TRAF3: variants seen among roughly 807,000 people sequenced by gnomAD.
TRAF3 encodes the protein TNF receptor-associated factor 3.
In TRAF3, 13 loss-of-function variants were observed where a neutral mutation model predicts 62.3. That is an observed-to-expected ratio of 0.21 (90% CI 0.14 to 0.33). The LOEUF is 0.33. Ranked by LOEUF, TRAF3 falls within the 10% of genes least tolerant of loss-of-function variation. The pLI is 1.00. For missense variants in TRAF3, 440 were observed against 741.8 expected (o/e 0.59, Z 4.73); for synonymous variants, 269 against 283.4 (o/e 0.95, Z 0.51).
intron 1 of TRAF3, among the ~76,000 whole-genome samples, chr14:102,803,689 C>T (rs1032936336): frequency 6.6e-6 from 1 of 151,700 alleles, no homozygotes; most frequent in East Asian, 1.9e-4. Flanking sequence ...GGGTGTGCAC[C>T]CTGCACCCAG....
At chr14:102,875,751 A>T (rs1364586098) in intron 5 of TRAF3, 23 bp downstream of exon 5, 1 of 1,586,240 alleles carries the variant, frequency 6.3e-7, no homozygotes, top group South Asian at 1.1e-5. Context: ...GGGACACTGG[A>T]ACCTTTTACA....
At chr14:102,815,305 A>G (rs1899446839) in intron 1 of TRAF3, among the ~76,000 whole-genome samples, 1 of 152,134 alleles carries the variant, frequency 6.6e-6, no homozygotes. Context: ...TCTTCTAAGA[A>G]TTATATAGTT....
chr14:102,853,171 G>A (rs1887149714), intron 2 of TRAF3, among the ~76,000 whole-genome samples: 1 of 152,134 alleles, frequency 6.6e-6, no homozygotes, highest in Admixed American at 6.5e-5. Flanking sequence ...AAAGTGCTGG[G>A]ATTACAGGTG....
intron 1 of TRAF3, among the ~76,000 whole-genome samples, chr14:102,790,677 A>G (rs1027087939): frequency 2.6e-5 from 4 of 152,154 alleles, no homozygotes; most frequent in Non-Finnish European, 5.9e-5. Flanking sequence ...GTTCCTTCCC[A>G]TAACATGTGG....
At chr14:102,892,622 T>C (rs1374334199) in intron 9 of TRAF3, among the ~76,000 whole-genome samples, 1 of 152,258 alleles carries the variant, frequency 6.6e-6, no homozygotes, top group African/African-American at 2.4e-5. Flanking sequence ...GAGGATACTA[T>C]GGTGAATTAG....
chr14:102,835,947 T>C (rs1025665364), intron 2 of TRAF3, among the ~76,000 whole-genome samples: 2 of 152,228 alleles, frequency 1.3e-5, no homozygotes, highest in African/African-American at 4.8e-5. Flanking sequence ...GACTCATGCC[T>C]GGAATACTAG....
At chr14:102,899,667 GTCT>G (rs909492600) in intron 10 of TRAF3, among the ~76,000 whole-genome samples, 1 of 152,146 alleles carries the variant, frequency 6.6e-6, no homozygotes, top group African/African-American at 2.4e-5. Context: ...GTCACTTGGG[GTCT>G]TCTTCTTTCT....
At chr14:102,854,031 T>A (rs146645877) in intron 2 of TRAF3, among the ~76,000 whole-genome samples, 14 of 152,296 alleles carry the variant, frequency 9.2e-5, no homozygotes, top group Non-Finnish European at 1.5e-4. Flanking sequence ...GTAATAGGAA[T>A]CATACAATAT....
intron 6 of TRAF3, among the ~76,000 whole-genome samples, chr14:102,878,637 A>G (rs1039718153): frequency 2.0e-5 from 3 of 152,218 alleles, no homozygotes; most frequent in Non-Finnish European, 4.4e-5. Context: ...GATCAGTTCC[A>G]TGAATAAAAA....
intron 1 of TRAF3, among the ~76,000 whole-genome samples, chr14:102,806,592 G>A (rs1211431685): frequency 1.3e-5 from 2 of 152,132 alleles, no homozygotes; most frequent in Non-Finnish European, 2.9e-5. Context: ...TTGAGTCCTT[G>A]GTATGTGCCG....
chr14:102,841,639 C>T (rs918605662), intron 2 of TRAF3, among the ~76,000 whole-genome samples: 3 of 151,936 alleles, frequency 2.0e-5, no homozygotes, highest in Non-Finnish European at 4.4e-5. Flanking sequence ...ACCAAAGCCC[C>T]GACTATATTT....
At chr14:102,865,931 A>G (rs1419852281) in intron 2 of TRAF3, 2 of 152,278 alleles carry the variant, frequency 1.3e-5, no homozygotes, top group African/African-American at 4.8e-5. Context: ...CACAAGGATG[A>G]CATGCAAATT....
chr14:102,877,218 C>G (rs1025876956), intron 6 of TRAF3, among the ~76,000 whole-genome samples: 3 of 146,242 alleles, frequency 2.1e-5, no homozygotes, highest in African/African-American at 7.8e-5. Flanking sequence ...ATAGATAATC[C>G]GTTCCACAGG....
At position 102,905,898 on chromosome 14, in the gene TRAF3, C is replaced by T. The variant is rs908700525; in HGVS notation, c.*114C>T. On this transcript the variant is annotated 3_prime_UTR_variant, in exon 12 of 12. Coordinates refer to ENST00000392745, the MANE Select transcript of TRAF3 (RefSeq NM_145725.3). ...AAAGGACCTTGTGAGACGGAGGAAG[C>T]GGCAGAAGGCGGACGCGTGCCGGCG... is the stretch of plus-strand genomic sequence containing the variant. 2.0e-5 allele frequency: 20 copies of T among 982,564 alleles called. No homozygotes were observed. The highest frequency in any genetic ancestry group is 2.8e-5 in the Non-Finnish European group (19 of 666,842). The allele number at this position is 982,564 out of a possible 1,614,324, so 60.9% of individuals were successfully genotyped here.
At chr14:102,902,387 C>T (rs888033416) in intron 10 of TRAF3, among the ~76,000 whole-genome samples, 1 of 152,240 alleles carries the variant, frequency 6.6e-6, no homozygotes, top group Admixed American at 6.5e-5. Flanking sequence ...GGAGTCTTCT[C>T]CTGGGACCCT....
chr14:102,808,137 A>T (rs1430885823), intron 1 of TRAF3, among the ~76,000 whole-genome samples: 3 of 152,090 alleles, frequency 2.0e-5, no homozygotes, highest in African/African-American at 7.2e-5. Context: ...GGGCACAGAG[A>T]GTCACTTTGG....
intron 2 of TRAF3, among the ~76,000 whole-genome samples, chr14:102,841,508 A>G (rs979720760): frequency 6.6e-6 from 1 of 152,186 alleles, no homozygotes; most frequent in African/African-American, 2.4e-5. Flanking sequence ...TTTTTCATCT[A>G]TGGTGTCAGG....
chr14:102,808,002 C>T (rs1050409630), intron 1 of TRAF3, among the ~76,000 whole-genome samples: 1 of 152,112 alleles, frequency 6.6e-6, no homozygotes, highest in East Asian at 1.9e-4. Context: ...TAAGACACGT[C>T]TGAAAGAAAT....
intron 1 of TRAF3, among the ~76,000 whole-genome samples, chr14:102,800,818 C>T (rs4467010): frequency 6.6e-6 from 1 of 151,620 alleles, no homozygotes; most frequent in African/African-American, 2.4e-5. Context: ...ACCTCAGCCT[C>T]TCAAGTAGCG....
Sources: gnomAD v4.1 joint callset for allele counts (sites outside exome capture counted in the v4.1 genomes callset) on GRCh38, gnomAD v4.1.1 for gene constraint, MANE v1.5 for transcripts, NCBI Gene and HGNC (gene_info 2026-07-23, HGNC 2026-07-21) for gene names.